JAZF1: variants seen among roughly 807,000 people sequenced by gnomAD.
JAZF1 encodes JAZF zinc finger 1.
Under a neutral mutation model 26.4 loss-of-function variants are expected in JAZF1, and 8 were observed. The observed-to-expected ratio is 0.30, with a 90% CI of 0.18 to 0.55. The LOEUF (loss-of-function observed/expected upper bound fraction) is 0.55. Among genes scored for constraint, JAZF1 ranks in the 20% least tolerant of loss-of-function variants. The probability of loss-of-function intolerance (pLI) is 0.94; values close to 1 mark genes in which losing one functional copy is unlikely to be tolerated. For missense variants in JAZF1, 199 were observed against 322.0 expected (o/e 0.62, Z 2.92); for synonymous variants, 126 against 122.3 (o/e 1.03, Z -0.20).
chr7:27,906,292 T>C (rs552554422), intron 2 of JAZF1, among the ~76,000 whole-genome samples: 3 of 152,242 alleles, frequency 2.0e-5, no homozygotes, highest in Middle Eastern at 6.8e-3. Flanking sequence ...AGGCAGACAC[T>C]GCAGACCAGT....
intron 1 of JAZF1, among the ~76,000 whole-genome samples, chr7:28,110,625 G>GA (rs1216202929): frequency 6.8e-6 from 1 of 147,676 alleles, no homozygotes; most frequent in African/African-American, 2.5e-5. Context: ...AAAAGGAAAG[G>GA]AAAGGAAAGG....
chr7:27,863,835 C>T (rs1201360425), intron 3 of JAZF1: 3 of 152,246 alleles, frequency 2.0e-5, no homozygotes, highest in Admixed American at 6.5e-5. Context: ...CACACAAAAA[C>T]GTCACCTACC....
intron 1 of JAZF1, among the ~76,000 whole-genome samples, chr7:28,125,146 CTTTTT>C (rs35830575): frequency 1.0e-4 from 14 of 136,158 alleles, no homozygotes; most frequent in African/African-American, 3.0e-4. Context: ...GGGAAGATTG[CTTTTT>C]TTTTTTTTTT....
intron 2 of JAZF1, among the ~76,000 whole-genome samples, chr7:27,938,131 TAAC>T (rs573601018): frequency 1.3e-5 from 2 of 152,210 alleles, no homozygotes; most frequent in African/African-American, 2.4e-5. Context: ...GTCAAATTCT[TAAC>T]AATTTCACAA....
At chr7:28,127,143 GCGAAGGATCCTAAGGCTAACCTTAA>G in intron 1 of JAZF1, among the ~76,000 whole-genome samples, 2 of 152,294 alleles carry the variant, frequency 1.3e-5, no homozygotes. Flanking sequence ...TGCATACTAG[GCGAAGGATCCTAAGGCTAACCTTAA>G]GAGTACTGGG....
rs201412590 is a variant in JAZF1 at position 28,092,316 on chromosome 7, A to C, written c.115+88147T>G. Among the ~76,000 whole-genome samples the C allele has an allele frequency of 5.3e-3, 749 of 140,032 alleles. 12 individuals are homozygous for C. Among genetic ancestry groups the C allele is most frequent in the East Asian group, 0.017 (76 of 4,370 alleles). The allele number at this position is 140,032 out of a possible 152,430, so 91.9% of individuals were successfully genotyped here. On this transcript the variant is annotated intron_variant, in intron 1 of 4. Coordinates refer to ENST00000283928, the MANE Select transcript of JAZF1 (RefSeq NM_175061.4). ...AAAAAAAAAAAAAAAAAAAAAAAAA[A>C]AAAAAAAAAACAACTAATGTCAAAG...
intron 2 of JAZF1, among the ~76,000 whole-genome samples, chr7:27,954,747 C>A (rs1351448145): frequency 7.0e-6 from 1 of 143,856 alleles, no homozygotes; most frequent in Non-Finnish European, 1.6e-5. Context: ...ATTTTCCAGA[C>A]TGCGAACAGG....
intron 3 of JAZF1, among the ~76,000 whole-genome samples, chr7:27,857,153 G>C (rs531767387): frequency 6.6e-6 from 1 of 152,208 alleles, no homozygotes; most frequent in Non-Finnish European, 1.5e-5. Context: ...CCATGGGGGC[G>C]GGGGGAGGCT....
At chr7:27,866,137 G>A (rs1783468877) in intron 3 of JAZF1, among the ~76,000 whole-genome samples, 1 of 152,210 alleles carries the variant, frequency 6.6e-6, no homozygotes, top group African/African-American at 2.4e-5. Flanking sequence ...TGAAAGGATG[G>A]TGCTCTGTGA....
intron 3 of JAZF1, among the ~76,000 whole-genome samples, chr7:27,873,248 G>C (rs1161459156): frequency 6.6e-6 from 1 of 152,170 alleles, no homozygotes; most frequent in Admixed American, 6.5e-5. Flanking sequence ...CCAGGATCTA[G>C]TCTCTTGGCC....
intron 3 of JAZF1, among the ~76,000 whole-genome samples, chr7:27,888,102 C>T (rs901204899): frequency 2.6e-5 from 4 of 152,124 alleles, no homozygotes; most frequent in South Asian, 2.1e-4. Context: ...GCTACAAAAG[C>T]GGGTATTTAT....
chr7:28,029,838 G>C (rs1783159727), intron 1 of JAZF1, among the ~76,000 whole-genome samples: 1 of 152,182 alleles, frequency 6.6e-6, no homozygotes, highest in South Asian at 2.1e-4. Flanking sequence ...TGCATCACTA[G>C]GTGGAAAACA....
intron 1 of JAZF1, among the ~76,000 whole-genome samples, chr7:28,063,402 C>T (rs1019161777): frequency 1.3e-5 from 2 of 152,104 alleles, no homozygotes; most frequent in African/African-American, 4.8e-5. Context: ...GAGGCATCCT[C>T]ACTTCTGCGA....
intron 2 of JAZF1, among the ~76,000 whole-genome samples, chr7:27,921,966 T>C (rs1784536240): frequency 6.6e-6 from 1 of 152,242 alleles, no homozygotes; most frequent in East Asian, 1.9e-4. Context: ...ATACGAACTC[T>C]ATGATTTCCT....
chr7:28,116,005 T>C (rs1784735702), intron 1 of JAZF1, among the ~76,000 whole-genome samples: 1 of 152,202 alleles, frequency 6.6e-6, no homozygotes, highest in Non-Finnish European at 1.5e-5. Flanking sequence ...TGCTGCACAA[T>C]ATTCCATTGT....
intron 2 of JAZF1, among the ~76,000 whole-genome samples, chr7:27,899,404 G>C (rs552689548): frequency 6.6e-6 from 1 of 152,296 alleles, no homozygotes; most frequent in African/African-American, 2.4e-5. Flanking sequence ...GACACCACTG[G>C]TGATCTTTCT....
At chr7:27,890,516 G>T (rs938883741) in intron 3 of JAZF1, among the ~76,000 whole-genome samples, 2 of 152,200 alleles carry the variant, frequency 1.3e-5, no homozygotes, top group African/African-American at 4.8e-5. Flanking sequence ...TTTAAAAAAA[G>T]TATTAATGTA....
chr7:27,948,088 G>A (rs929623141), intron 2 of JAZF1, among the ~76,000 whole-genome samples: 4 of 152,136 alleles, frequency 2.6e-5, no homozygotes, highest in Admixed American at 2.0e-4. Flanking sequence ...GCCACTGGAC[G>A]GTGCTGCTGG....
At chr7:28,147,395 C>A (rs1783043944) in intron 1 of JAZF1, among the ~76,000 whole-genome samples, 1 of 151,950 alleles carries the variant, frequency 6.6e-6, no homozygotes, top group Non-Finnish European at 1.5e-5. Context: ...ACAGAAAAGC[C>A]CAAAGAATAA....
Sources: gnomAD v4.1 joint callset for allele counts (sites outside exome capture counted in the v4.1 genomes callset) on GRCh38, gnomAD v4.1.1 for gene constraint, MANE v1.5 for transcripts, NCBI Gene and HGNC (gene_info 2026-07-23, HGNC 2026-07-21) for gene names.